CPN1: variants seen among roughly 807,000 people sequenced by gnomAD.
The protein encoded by CPN1 is carboxypeptidase N subunit 1.
Under a neutral mutation model 46.4 loss-of-function variants are expected in CPN1, and 37 were observed. The ratio of observed to expected loss-of-function variants is 0.80; its 90% confidence interval spans 0.61 to 1.05. CPN1 has a LOEUF of 1.05. Ranked by LOEUF, CPN1 falls within the 50% of genes least tolerant of loss-of-function variation. The probability of loss-of-function intolerance (pLI) is 0.00; values close to 1 mark genes in which losing one functional copy is unlikely to be tolerated. For synonymous variants in CPN1, 224 were observed against 235.4 expected (o/e 0.95, Z 0.44); for missense variants, 563 against 602.6 (o/e 0.93, Z 0.69).
chr10:100,067,351 G>C (rs1417752551), intron 3 of CPN1, among the ~76,000 whole-genome samples: 1 of 152,110 alleles, frequency 6.6e-6, no homozygotes, highest in Non-Finnish European at 1.5e-5. Context: ...CCTGACCTCA[G>C]CTGATCTGCC....
chr10:100,056,964 G>C, intron 6 of CPN1, 49 bp downstream of exon 6: 1 of 1,613,360 alleles, frequency 6.2e-7, no homozygotes, highest in South Asian at 1.1e-5. Flanking sequence ...CTGCCATTGA[G>C]AAGCACTTCT....
chr10:100,059,707 A>G (rs1395536416), intron 5 of CPN1, among the ~76,000 whole-genome samples: 1 of 152,086 alleles, frequency 6.6e-6, no homozygotes, highest in Non-Finnish European at 1.5e-5. Flanking sequence ...TAAAAATAGA[A>G]CTACCTTATG....
rs889686820 is a variant in CPN1, at chr10:100,056,940, G to C, written c.1011+73C>G. 1.0e-5 allele frequency: 16 copies of C among 1,599,320 alleles called. No individual in the cohort carries two copies. The African/African-American group carries it at 2.1e-4, about 21-fold the overall frequency. ...CAGAGCAAAAGTCAGACCTGAACCA[G>C]TGAAACACCTTGCCTGCCATTGAGA... is the stretch of plus-strand genomic sequence containing the variant. On this transcript the variant is annotated intron_variant, in intron 6 of 8. Transcript: ENST00000370418.
Position 100,068,604 on chromosome 10 carries a change from G to A in CPN1, c.576+1110C>T, listed in dbSNP as rs780963193. On this transcript the variant is annotated intron_variant, in intron 3 of 8. Coordinates refer to ENST00000370418, the MANE Select transcript of CPN1 (RefSeq NM_001308.3). ...TGCTCTGTCACCCAGGCTGGAGCAG[G>A]CAGGACAATAGTTCACTGTAACCTT... Among the ~76,000 whole-genome samples the A allele has an allele frequency of 1.4e-4, 22 of 152,174 alleles. 1 individual carries two copies. Among genetic ancestry groups the A allele is most frequent in the Non-Finnish European group, 2.4e-4 (16 of 68,038 alleles).
rs1297482333 is a variant in CPN1, at chr10:100,065,354, CG to C, written c.592del (p.Arg198GlyfsTer3). 4.3e-6 allele frequency: 7 copies of C among 1,614,040 alleles called. No homozygotes were observed. In the South Asian group the frequency reaches 5.5e-5, roughly 13 times the overall value. On this transcript the variant is annotated frameshift_variant, in exon 4 of 9. Coordinates refer to ENST00000370418, the MANE Select transcript of CPN1 (RefSeq NM_001308.3). LOFTEE classifies it high-confidence loss of function. The stretch of plus-strand genomic sequence containing the variant: ...GGAGTGCATCCACCGGATCACCGCC[CG>C]GGTCTCGGGTTCCACCTGGGAGGAG... ...NWKSQVEPET[R>X]AVIRWMHSFN... is the part of the protein sequence containing the mutation.
chr10:100,055,319 C>T (rs551000621), intron 6 of CPN1, among the ~76,000 whole-genome samples: 24 of 152,026 alleles, frequency 1.6e-4, no homozygotes, highest in African/African-American at 5.8e-4. Flanking sequence ...AACTGAAACC[C>T]TATATCTATT....
intron 5 of CPN1, among the ~76,000 whole-genome samples, chr10:100,057,932 G>A (rs961093278): frequency 6.6e-6 from 1 of 152,070 alleles, no homozygotes; most frequent in Non-Finnish European, 1.5e-5. Flanking sequence ...AGGCTAATTA[G>A]GCTAATTAGA....
intron 1 of CPN1, among the ~76,000 whole-genome samples, chr10:100,079,928 TA>T (rs979850975): frequency 4.6e-5 from 7 of 151,574 alleles, no homozygotes; most frequent in African/African-American, 1.7e-4. Flanking sequence ...CTACTAAAAA[TA>T]AAAAAAATTA....
chr10:100,081,310 C>T (rs1304566073), intron 1 of CPN1, 93 bp downstream of exon 1: 3 of 1,074,082 alleles, frequency 2.8e-6, no homozygotes, highest in South Asian at 1.3e-5. Flanking sequence ...TAGGCGGAGG[C>T]GTCCACGGAC....
intron 6 of CPN1, among the ~76,000 whole-genome samples, chr10:100,055,517 G>A (rs1308339051): frequency 6.6e-6 from 1 of 152,036 alleles, no homozygotes; most frequent in African/African-American, 2.4e-5. Flanking sequence ...GTTGTAGCAT[G>A]TGTCAGAATT....
intron 2 of CPN1, among the ~76,000 whole-genome samples, chr10:100,073,494 A>G (rs987567008): frequency 4.6e-5 from 7 of 152,158 alleles, no homozygotes; most frequent in Admixed American, 4.6e-4. Flanking sequence ...TTAAAACAGC[A>G]CGAGTGTATT....
At chr10:100,053,960 C>T (rs904929669) in intron 7 of CPN1, among the ~76,000 whole-genome samples, 6 of 152,076 alleles carry the variant, frequency 3.9e-5, no homozygotes, top group Non-Finnish European at 5.9e-5. Context: ...ATCTGTTTCA[C>T]AGTCCTCTTT....
At chr10:100,072,315 A>G (rs2041490441) in intron 2 of CPN1, among the ~76,000 whole-genome samples, 1 of 152,070 alleles carries the variant, frequency 6.6e-6, no homozygotes, top group African/African-American at 2.4e-5. Flanking sequence ...GCTGGTGTTT[A>G]CAGGCACGCG....
chr10:100,063,884 G>A (rs567486389), intron 4 of CPN1, among the ~76,000 whole-genome samples, 159 bp from the exon 5 acceptor site: 52 of 152,230 alleles, frequency 3.4e-4, no homozygotes, highest in South Asian at 4.2e-4. Context: ...TAGAAACAGC[G>A]TGTGTATGTG....
Position 100,063,730 on chromosome 10 carries a change from A to G in CPN1, c.760-5T>C. 1 of 1,610,552 alleles carries G rather than the reference A, an allele frequency of 6.2e-7. No homozygotes were observed. Among genetic ancestry groups the G allele is most frequent in the Admixed American group, 1.7e-5 (1 of 60,004 alleles). ...ATAGGAGTAGACCTTGGCCAGCTAGAGGAAAAGCAGGAGGAAAACGACCTT... is the reference window on the plus strand; with the variant it reads ...ATAGGAGTAGACCTTGGCCAGCTAGGGGAAAAGCAGGAGGAAAACGACCTT... On this transcript the variant is annotated splice_region_variant and splice_polypyrimidine_tract_variant and intron_variant, in intron 4 of 8. Transcript: ENST00000370418.
At chr10:100,069,228 A>G (rs2041471178) in intron 3 of CPN1, among the ~76,000 whole-genome samples, 1 of 152,228 alleles carries the variant, frequency 6.6e-6, no homozygotes, top group Non-Finnish European at 1.5e-5. Flanking sequence ...TCACGCCTGT[A>G]ATCCCAGCAC....
chr10:100,078,375 C>T (rs969445200), intron 1 of CPN1, among the ~76,000 whole-genome samples: 1 of 152,228 alleles, frequency 6.6e-6, no homozygotes, highest in African/African-American at 2.4e-5. Flanking sequence ...ACAACCACTT[C>T]TCATAACAAT....
At chr10:100,066,892 G>A (rs2041457507) in intron 3 of CPN1, among the ~76,000 whole-genome samples, 1 of 152,186 alleles carries the variant, frequency 6.6e-6, no homozygotes, top group South Asian at 2.1e-4. Flanking sequence ...TGTGTCCTAA[G>A]CCTCTATCAG....
chr10:100,069,503 G>A (rs527663856), intron 3 of CPN1, among the ~76,000 whole-genome samples: 2 of 151,528 alleles, frequency 1.3e-5, no homozygotes, highest in African/African-American at 4.9e-5. Flanking sequence ...AAATCACTTA[G>A]TGTGTGCTCC....
Sources: gnomAD v4.1 joint callset for allele counts (sites outside exome capture counted in the v4.1 genomes callset) on GRCh38, gnomAD v4.1.1 for gene constraint, MANE v1.5 for transcripts, NCBI Gene and HGNC (gene_info 2026-07-23, HGNC 2026-07-21) for gene names.